The following FAT4 variants were observed in gnomAD, a reference collection of about 807,000 sequenced individuals.
FAT4 encodes the protein protocadherin Fat 4.
Under a neutral mutation model 303.9 loss-of-function variants are expected in FAT4, and 84 were observed. That is an observed-to-expected ratio of 0.28 (90% CI 0.23 to 0.33). The LOEUF (loss-of-function observed/expected upper bound fraction) is 0.33. FAT4 is among the 10% of genes least tolerant of loss of function. The pLI is 1.00. For synonymous variants in FAT4, 2,307 were observed against 2,298.8 expected, an observed-to-expected ratio of 1.00 and a Z score of -0.10; for missense variants, 6,005 against 6,146.8, an observed-to-expected ratio of 0.98 and a Z score of 0.77.
chr4:125,413,205 G>A (rs1278854027), intron 5 of FAT4, among the ~76,000 whole-genome samples: 1 of 151,696 alleles, frequency 6.6e-6, no homozygotes, highest in African/African-American at 2.4e-5. Context: ...ATCCTCTAAA[G>A]CCTGTGGAAT....
intron 2 of FAT4, among the ~76,000 whole-genome samples, chr4:125,394,362 A>C (rs943650787): frequency 6.6e-6 from 1 of 152,202 alleles, no homozygotes; most frequent in Non-Finnish European, 1.5e-5. Flanking sequence ...CTCCAGTCTA[A>C]ACAAATGTAA....
chr4:125,446,501 C>T lies in FAT4; in HGVS notation c.7408C>T (p.His2470Tyr). 6.2e-7 allele frequency: 1 copy of T among 1,613,430 alleles called. No individual in the cohort carries two copies. The highest frequency in any genetic ancestry group is 8.5e-7 in the Non-Finnish European group (1 of 1,179,484). ...CAATGACAATCCACCAAGATTTCAGCATCACCCATATGTCACTCACATCCC... is the reference window on the plus strand; with the variant it reads ...CAATGACAATCCACCAAGATTTCAGTATCACCCATATGTCACTCACATCCC... ...DVNDNPPRFQ[H>Y]HPYVTHIPSP... Residue 2470 changes from histidine to tyrosine, a missense_variant, in exon 9 of 18, where the codon CAT becomes TAT. Transcript: ENST00000394329.
In FAT4 at chr4:125,450,351, C is replaced by G. The variant is rs746289653; in HGVS notation, c.9341C>G (p.Ser3114Cys). The G allele has an allele frequency of 6.2e-7, 1 of 1,614,096 alleles. No homozygotes were observed. The highest frequency in any genetic ancestry group is 1.1e-5 in the South Asian group (1 of 91,080). ...HSIGSIVRTV[S>C]ARDRDAAMNG... ...ATTGGGTCCATTGTCAGAACTGTTT[C>G]TGCAAGAGATAGAGATGCAGCGATG... Residue 3114 changes from serine to cysteine, a missense_variant, in exon 10 of 18, where the codon TCT becomes TGT. Transcript: ENST00000394329.
At chr4:125,481,130 CA>C (rs749923866) in intron 15 of FAT4, among the ~76,000 whole-genome samples, 1 of 152,084 alleles carries the variant, frequency 6.6e-6, no homozygotes, top group Non-Finnish European at 1.5e-5. Flanking sequence ...CTAAAGATTA[CA>C]AATCATTTTA....
intron 7 of FAT4, 75 bp from the exon 8 acceptor site, chr4:125,434,170 G>A: frequency 7.2e-7 from 1 of 1,385,922 alleles, no homozygotes; most frequent in South Asian, 1.3e-5. Context: ...TAGTAATTCT[G>A]TCTACAGCTA....
chr4:125,449,615 G>A lies in FAT4; in HGVS notation c.8605G>A (p.Asp2869Asn), dbSNP rs757938643. 2 of 1,613,746 alleles carry A rather than the reference G, an allele frequency of 1.2e-6. No homozygotes were observed. Among genetic ancestry groups the A allele is most frequent in the Admixed American group, 1.7e-5 (1 of 59,962 alleles). Reference protein sequence around the residue: ...DVTIFVTDINDNAPRFSRTSY... With the variant: ...DVTIFVTDINNNAPRFSRTSY... ...CACAATATTTGTGACAGACATCAATGACAATGCTCCAAGATTTAGCAGAAC... is the reference window on the plus strand; with the variant it reads ...CACAATATTTGTGACAGACATCAATAACAATGCTCCAAGATTTAGCAGAAC... The change falls in exon 10 of 18, where the codon GAC becomes AAC. Residue 2869 changes from aspartate to asparagine, a missense_variant. Physicochemically the swap from Asp to Asn is conservative, Grantham distance 23 (BLOSUM62 1). Coordinates refer to ENST00000394329, the MANE Select transcript of FAT4 (RefSeq NM_001291303.3).
At position 125,365,948 on chromosome 4, in the gene FAT4, A is replaced by G. The variant is rs376506983; in HGVS notation, c.5176-32836A>G. Among the ~76,000 whole-genome samples, 6 of 152,182 alleles carry G rather than the reference A, an allele frequency of 3.9e-5. 1 individual carries two copies. The East Asian group carries it at 7.8e-4, about 20-fold the overall frequency. On this transcript the variant is annotated intron_variant, in intron 2 of 17. Transcript: ENST00000394329. The stretch of plus-strand genomic sequence containing the variant: ...GGAGGTGAGCGGCAGGCTAACGAGC[A>G]TTACCACCTGAGCTCTGCCTTCTGT...
chr4:125,436,775 G>A (rs1445870079), intron 8 of FAT4, among the ~76,000 whole-genome samples: 2 of 152,216 alleles, frequency 1.3e-5, no homozygotes, highest in Admixed American at 6.5e-5. Context: ...CACAAGAACA[G>A]TATGCTCGAA....
chr4:125,389,284 A>C (rs1277511309), intron 2 of FAT4, among the ~76,000 whole-genome samples: 1 of 152,168 alleles, frequency 6.6e-6, no homozygotes, highest in Non-Finnish European at 1.5e-5. Flanking sequence ...TCTTAAAAAC[A>C]GAATTATTCC....
intron 3 of FAT4, 99 bp downstream of exon 3, chr4:125,399,014 G>C: frequency 1.8e-6 from 2 of 1,099,610 alleles, no homozygotes; most frequent in East Asian, 4.8e-5. Flanking sequence ...AATAATTAAG[G>C]TTAAGCATGT....
At chr4:125,414,755 A>T in intron 5 of FAT4, 129 bp from the exon 6 acceptor site, 1 of 625,578 alleles carries the variant, frequency 1.6e-6, no homozygotes, top group Middle Eastern at 3.7e-4. Context: ...ATTTGTTCAC[A>T]GGATTTCCTA....
intron 14 of FAT4, among the ~76,000 whole-genome samples, chr4:125,477,764 A>T (rs1727083096): frequency 6.6e-6 from 1 of 152,154 alleles, no homozygotes; most frequent in Non-Finnish European, 1.5e-5. Flanking sequence ...ATACAGCTTT[A>T]AAAACAGGCA....
chr4:125,447,338 T>G (rs996373359), intron 9 of FAT4, among the ~76,000 whole-genome samples: 5 of 152,138 alleles, frequency 3.3e-5, no homozygotes, highest in Non-Finnish European at 7.4e-5. Context: ...CAGATAGAGT[T>G]AACAGATCCT....
chr4:125,363,390 A>G (rs1286483081), intron 2 of FAT4, among the ~76,000 whole-genome samples: 6 of 151,918 alleles, frequency 3.9e-5, no homozygotes, highest in Non-Finnish European at 8.8e-5. Flanking sequence ...AGAGTGATGT[A>G]CTGGGAATGG....
At chr4:125,453,448 C>T (rs964670954) in intron 10 of FAT4, among the ~76,000 whole-genome samples, 1 of 152,122 alleles carries the variant, frequency 6.6e-6, no homozygotes, top group African/African-American at 2.4e-5. Flanking sequence ...GTGGCTCATG[C>T]CTGTAATCCC....
chr4:125,367,225 C>T (rs75498964), intron 2 of FAT4, among the ~76,000 whole-genome samples: 12,172 of 152,132 alleles, frequency 0.08, 611 homozygotes, highest in East Asian at 0.19. Flanking sequence ...AATTATAATT[C>T]TTCCAGGTAA....
chr4:125,476,220 A>G lies in FAT4; in HGVS notation c.12263A>G (p.Tyr4088Cys), dbSNP rs1394453348. ...DSCSENQEPGYCTVSNVAVSD... is the reference protein window; with the variant it reads ...DSCSENQEPGCCTVSNVAVSD... ...TGTTCTGAGAACCAAGAGCCAGGAT[A>G]TTGTACTGTCAGTAATGTGGCAGTT... is the stretch of plus-strand genomic sequence containing the variant. Residue 4088 changes from tyrosine to cysteine, a missense_variant, in exon 13 of 18, where the codon TAT (tyrosine) becomes TGT (cysteine). Physicochemically the swap from Tyr to Cys is radical, Grantham distance 194. Transcript: ENST00000394329. 1.2e-6 allele frequency: 2 copies of G among 1,601,514 alleles called. No homozygotes were observed. Among genetic ancestry groups the G allele is most frequent in the Admixed American group, 3.3e-5 (2 of 59,708 alleles).
chr4:125,410,906 A>C (rs754241933), intron 5 of FAT4, among the ~76,000 whole-genome samples: 4 of 152,088 alleles, frequency 2.6e-5, no homozygotes, highest in East Asian at 1.9e-4. Context: ...TACGTTTATC[A>C]GTGTAATTTC....
At chr4:125,376,596 ATT>A (rs1733333362) in intron 2 of FAT4, among the ~76,000 whole-genome samples, 2 of 152,296 alleles carry the variant, frequency 1.3e-5, no homozygotes, top group South Asian at 4.1e-4. Context: ...CTTAAGTATA[ATT>A]AAAAATAAAT....
Sources: gnomAD v4.1 joint callset for allele counts (sites outside exome capture counted in the v4.1 genomes callset) on GRCh38, gnomAD v4.1.1 for gene constraint, MANE v1.5 for transcripts, NCBI Gene and HGNC (gene_info 2026-07-23, HGNC 2026-07-21) for gene names.